Variants in JPH3 observed in about 807,000 individuals in gnomAD.
JPH3 encodes junctophilin 3, also known as junctophilin-3.
JPH3 carries 11 observed loss-of-function variants against 59.6 expected under a neutral mutation model. The observed-to-expected ratio is 0.18, with a 90% CI of 0.12 to 0.31. The LOEUF (loss-of-function observed/expected upper bound fraction) is 0.31. Among genes scored for constraint, JPH3 ranks in the 10% least tolerant of loss-of-function variants. The probability of loss-of-function intolerance (pLI) is 1.00; values close to 1 mark genes in which losing one functional copy is unlikely to be tolerated. For synonymous variants in JPH3, 673 were observed against 483.6 expected, an observed-to-expected ratio of 1.39 and a Z score of -5.14; for missense variants, 1,202 against 1,105.7, an observed-to-expected ratio of 1.09 and a Z score of -1.24.
chr16:87,676,423 C>A (rs1343113304), intron 2 of JPH3, among the ~76,000 whole-genome samples: 1 of 152,096 alleles, frequency 6.6e-6, no homozygotes, highest in East Asian at 1.9e-4. Flanking sequence ...ATTTACGGTA[C>A]CTTCATTTAT....
intron 2 of JPH3, among the ~76,000 whole-genome samples, chr16:87,677,008 A>G (rs990822617): frequency 2.0e-5 from 3 of 151,560 alleles, no homozygotes; most frequent in Non-Finnish European, 2.9e-5. Context: ...GAATACAAAA[A>G]ATTAGCCGGG....
At chr16:87,622,098 T>C (rs1012914754) in intron 1 of JPH3, among the ~76,000 whole-genome samples, 1 of 131,370 alleles carries the variant, frequency 7.6e-6, no homozygotes, top group Non-Finnish European at 1.7e-5. Context: ...GCTCCAGGTG[T>C]CAGGGGGGGG....
Position 87,697,614 on chromosome 16 carries a change from C to T in JPH3, c.*954C>T, listed in dbSNP as rs1364752280. The T allele has an allele frequency of 2.0e-5, 3 of 152,348 alleles. No homozygotes were observed. Among genetic ancestry groups the T allele is most frequent in the African/African-American group, 7.2e-5 (3 of 41,442 alleles). 9.4% of individuals were successfully genotyped at this position (152,348 alleles called of 1,614,324 possible). ...TACTGATCTCCACGGGTTTTCACAT[C>T]TCTGTACTGTGCCTGCCTCAACTTC... On this transcript the variant is annotated 3_prime_UTR_variant, in exon 5 of 5. Coordinates refer to ENST00000284262, the MANE Select transcript of JPH3 (RefSeq NM_020655.4).
At chr16:87,632,870 A>G (rs1896757) in intron 1 of JPH3, among the ~76,000 whole-genome samples, 12,117 of 151,510 alleles carry the variant, frequency 0.08, 1,453 homozygotes, top group African/African-American at 0.26. Context: ...TCCAGCCTGC[A>G]CGACAGAGCT....
chr16:87,695,200 T>G (rs1159027918), intron 4 of JPH3: 2 of 406,998 alleles, frequency 4.9e-6, no homozygotes, highest in Non-Finnish European at 9.9e-6. Context: ...CCCTCCTTAA[T>G]GCAGGCCTGA....
At chr16:87,688,474 T>TG (rs1567615260) in intron 3 of JPH3, among the ~76,000 whole-genome samples, 1 of 132,916 alleles carries the variant, frequency 7.5e-6, no homozygotes, top group Non-Finnish European at 1.5e-5. Context: ...AAGGTCAGAC[T>TG]GGGGTACAGG....
At chr16:87,696,461 C>T (rs1437000850) in intron 4 of JPH3, 119 bp from the exon 5 acceptor site, 17 of 804,614 alleles carry the variant, frequency 2.1e-5, no homozygotes, top group East Asian at 7.3e-5. Context: ...AACATCCTCC[C>T]GTACGCTTCC....
At chr16:87,625,359 CCAGT>C (rs1738083766) in intron 1 of JPH3, among the ~76,000 whole-genome samples, 2 of 152,262 alleles carry the variant, frequency 1.3e-5, no homozygotes, top group African/African-American at 4.8e-5. Flanking sequence ...GGGGTCCTGG[CCAGT>C]CACTCTCCTC....
intron 2 of JPH3, among the ~76,000 whole-genome samples, chr16:87,680,585 G>A (rs908445701): frequency 6.6e-6 from 1 of 152,244 alleles, no homozygotes; most frequent in African/African-American, 2.4e-5. Context: ...GAGGCACTAC[G>A]GAGCCATGGT....
rs1400314743 is a variant in JPH3 at position 87,696,981 on chromosome 16, C to T, written c.*321C>T. ...CATCAGTGGTAACAGCGGACGTTGT[C>T]CTCGTGGTCACACGTCCCGTCTTGG... On this transcript the variant is annotated 3_prime_UTR_variant, in exon 5 of 5. Transcript: ENST00000284262. 1.1e-5 allele frequency: 4 copies of T among 362,396 alleles called. No homozygotes were observed. The highest frequency in any genetic ancestry group is 2.1e-5 in the Non-Finnish European group (4 of 189,386). 22.4% of individuals were successfully genotyped at this position (362,396 alleles called of 1,614,324 possible).
chr16:87,620,491 G>GAAGGAGAGGAGAGA, intron 1 of JPH3, among the ~76,000 whole-genome samples: 1 of 144,506 alleles, frequency 6.9e-6, no homozygotes, highest in Non-Finnish European at 1.5e-5. Context: ...GAGAGGGAGA[G>GAAGGAGAGGAGAGA]GGGGAGGGGA....
rs576848343 is a variant in JPH3, at chr16:87,649,153, C to G, written c.1160+4118C>G. Among the ~76,000 whole-genome samples, 40 of 152,272 alleles carry G rather than the reference C, an allele frequency of 2.6e-4. No individual in the cohort carries two copies. In the South Asian group the frequency reaches 7.9e-3, roughly 30 times the overall value. On this transcript the variant is annotated intron_variant, in intron 2 of 4. Coordinates refer to ENST00000284262, the MANE Select transcript of JPH3 (RefSeq NM_020655.4). ...AGAGAGGGGCGGGAGCCAGTGGCCC[C>G]GCGGAGCTGAGGTCATGTGAGAAGG...
At chr16:87,638,280 G>C (rs1016971582) in intron 1 of JPH3, among the ~76,000 whole-genome samples, 3 of 152,166 alleles carry the variant, frequency 2.0e-5, no homozygotes, top group Admixed American at 6.5e-5. Context: ...GGCTGGCTTT[G>C]AACTCCTGGC....
At chr16:87,677,226 A>ACACAC (rs1491554199) in intron 2 of JPH3, among the ~76,000 whole-genome samples, 10 of 88,016 alleles carry the variant, frequency 1.1e-4, no homozygotes, top group East Asian at 7.3e-4. Context: ...ACACACACAC[A>ACACAC]AAAAAAAAAA....
intron 1 of JPH3, among the ~76,000 whole-genome samples, chr16:87,622,582 C>G (rs1043905241): frequency 1.4e-4 from 22 of 152,160 alleles, no homozygotes; most frequent in African/African-American, 4.8e-4. Flanking sequence ...AGAGCTCTCC[C>G]TTCTGCGAGG....
At chr16:87,655,597 C>A (rs1438784717) in intron 2 of JPH3, among the ~76,000 whole-genome samples, 10 of 152,236 alleles carry the variant, frequency 6.6e-5, no homozygotes, top group African/African-American at 1.7e-4. Flanking sequence ...CAAAAATTCT[C>A]CTGCCTCAGC....
chr16:87,690,843 A>G (rs2033551183), intron 4 of JPH3, among the ~76,000 whole-genome samples: 1 of 152,348 alleles, frequency 6.6e-6, no homozygotes, highest in South Asian at 2.1e-4. Context: ...CAGCTGCTCC[A>G]AGAGTCTGTG....
At chr16:87,681,846 G>A (rs556094802) in intron 2 of JPH3, among the ~76,000 whole-genome samples, 1 of 152,322 alleles carries the variant, frequency 6.6e-6, no homozygotes, top group East Asian at 1.9e-4. Flanking sequence ...CAGGTGCTGG[G>A]ATGCAGTGTC....
intron 2 of JPH3, among the ~76,000 whole-genome samples, chr16:87,664,489 G>A (rs1049797843): frequency 6.6e-6 from 1 of 152,014 alleles, no homozygotes; most frequent in Non-Finnish European, 1.5e-5. Context: ...GCCGGGCGTG[G>A]TGGCATGCGC....
Sources: gnomAD v4.1 joint callset for allele counts (sites outside exome capture counted in the v4.1 genomes callset) on GRCh38, gnomAD v4.1.1 for gene constraint, MANE v1.5 for transcripts, NCBI Gene and HGNC (gene_info 2026-07-23, HGNC 2026-07-21) for gene names.